The following CFAP97D2 variants were observed in gnomAD, a reference collection of about 807,000 sequenced individuals.
The protein encoded by CFAP97D2 is uncharacterized protein CFAP97D2.
chr13:114,221,045 G>A (rs1306938230), intron 4 of CFAP97D2, among the ~76,000 whole-genome samples: 1 of 152,182 alleles, frequency 6.6e-6, no homozygotes, highest in Non-Finnish European at 1.5e-5. Context: ...TCAGGAGATC[G>A]AGACCATCCT....
intron 1 of CFAP97D2, among the ~76,000 whole-genome samples, chr13:114,180,796 G>A (rs974107403): frequency 6.6e-6 from 1 of 152,178 alleles, no homozygotes; most frequent in African/African-American, 2.4e-5. Context: ...GTTTGCTTTT[G>A]TATCCCGGGG....
At position 114,179,613 on chromosome 13, in the gene CFAP97D2, GCTTT is replaced by G. The variant is rs754208065; in HGVS notation, c.90+206_90+209del. ...TAAAAATCTCATTAAATAGTTGACG[GCTTT>G]CTTTCTTTCTTTTTTTTTTTTGAGA... On this transcript the variant is annotated intron_variant, in intron 1 of 4. Coordinates refer to ENST00000646158, the Ensembl canonical transcript of CFAP97D2. The surrounding 1 kb of genome is among the most constrained non-coding windows in gnomAD (Gnocchi z 4.8). Among the ~76,000 whole-genome samples, 46 of 151,886 alleles carry G rather than the reference GCTTT, an allele frequency of 3.0e-4. No individual in the cohort carries two copies. Among genetic ancestry groups the G allele is most frequent in the Middle Eastern group, 3.4e-3 (1 of 294 alleles).
chr13:114,181,110 G>A (rs1283483342), intron 1 of CFAP97D2, among the ~76,000 whole-genome samples: 1 of 152,222 alleles, frequency 6.6e-6, no homozygotes, highest in African/African-American at 2.4e-5. Flanking sequence ...GGGAACCTAT[G>A]ATTCTGGCAC....
chr13:114,182,307 A>C (rs573235166), intron 1 of CFAP97D2, among the ~76,000 whole-genome samples: 79 of 152,280 alleles, frequency 5.2e-4, no homozygotes, highest in Non-Finnish European at 8.5e-4. Flanking sequence ...GCATTACTGC[A>C]AACATGTCTC....
At chr13:114,217,986 C>T (rs1425441314) in intron 4 of CFAP97D2, among the ~76,000 whole-genome samples, 2 of 152,194 alleles carry the variant, frequency 1.3e-5, no homozygotes, top group Admixed American at 6.5e-5. Flanking sequence ...TGCCCTCTCT[C>T]ACCACTCCTA....
chr13:114,201,472 C>G (rs923097586), intron 3 of CFAP97D2, among the ~76,000 whole-genome samples: 12 of 152,202 alleles, frequency 7.9e-5, no homozygotes, highest in Non-Finnish European at 1.5e-4. Flanking sequence ...CTGCTCCAAG[C>G]TCAGGCGGGC....
chr13:114,182,491 C>G (rs112048834), intron 1 of CFAP97D2, among the ~76,000 whole-genome samples: 1,799 of 148,820 alleles, frequency 0.012, 20 homozygotes, highest in Admixed American at 0.019. Context: ...GACCCTTTAC[C>G]GGTGTCGGGC....
rs748290016 is a variant in CFAP97D2 at position 114,187,414 on chromosome 13, GCT to G, written c.90+7995_90+7996del. On this transcript the variant is annotated intron_variant, in intron 1 of 4. Transcript: ENST00000646158. This position sits in a 1 kb window ranked among gnomAD's most constrained non-coding sequence, Gnocchi z 4.2. ...ACCATTTTAAGTATAAAGACATATAGCTTAAAAGTAAATGATTGAAAAAAATA... is the reference window on the plus strand; with the variant it reads ...ACCATTTTAAGTATAAAGACATATAGTAAAAGTAAATGATTGAAAAAAATA... 1.3e-5 allele frequency among the ~76,000 whole-genome samples: 2 copies of G among 151,006 alleles called. No homozygotes were observed. The highest frequency in any genetic ancestry group is 2.9e-5 in the Non-Finnish European group (2 of 67,816).
intron 4 of CFAP97D2, among the ~76,000 whole-genome samples, chr13:114,219,404 G>A (rs2081010194): frequency 6.6e-6 from 1 of 151,968 alleles, no homozygotes; most frequent in Non-Finnish European, 1.5e-5. Flanking sequence ...TTTTTCCTCA[G>A]CAAATGTCAA....
chr13:114,200,208 C>T (rs2080910927), intron 2 of CFAP97D2, 117 bp from the exon 3 acceptor site: 6 of 395,108 alleles, frequency 1.5e-5, no homozygotes, highest in Middle Eastern at 6.3e-4. Context: ...ATGGCGCACT[C>T]GCCGATATGA....
At position 114,203,054 on chromosome 13, in the gene CFAP97D2, A is replaced by G. The variant is rs2080925599; in HGVS notation, c.290+2611A>G. On this transcript the variant is annotated intron_variant, in intron 3 of 4. Transcript: ENST00000646158. This position sits in a 1 kb window ranked among gnomAD's most constrained non-coding sequence, Gnocchi z 4.3. Reference sequence around the variant, plus strand: ...TCCCAAAGGGATGGTTTAATTTGCAACAGAATTTAGAAAAGTGCAAGCCTC... The same window carrying G: ...TCCCAAAGGGATGGTTTAATTTGCAGCAGAATTTAGAAAAGTGCAAGCCTC... Among the ~76,000 whole-genome samples the G allele has an allele frequency of 6.6e-6, 1 of 152,204 alleles. No homozygotes were observed.
chr13:114,198,504 C>T (rs2080897467), intron 2 of CFAP97D2, among the ~76,000 whole-genome samples: 2 of 152,260 alleles, frequency 1.3e-5, no homozygotes, highest in Non-Finnish European at 2.9e-5. Context: ...TCATTAGCAC[C>T]ACCGCCACAT....
chr13:114,222,495 C>A lies in CFAP97D2; in HGVS notation c.481-3C>A, dbSNP rs964235400. On this transcript the variant is annotated splice_region_variant and splice_polypyrimidine_tract_variant and intron_variant, in intron 4 of 4. Coordinates refer to ENST00000646158, the Ensembl canonical transcript of CFAP97D2. The surrounding 1 kb of genome is among the most constrained non-coding windows in gnomAD (Gnocchi z 4.4). ...TAGTTTCAAATATGTATTTTAAATC[C>A]AGCAGGAAGTGAAACTGGATTAGCA... 2.5e-6 allele frequency: 1 copy of A among 398,404 alleles called. No individual in the cohort carries two copies. The highest frequency in any genetic ancestry group is 4.4e-6 in the Non-Finnish European group (1 of 226,064). 24.7% of individuals were successfully genotyped at this position (398,404 alleles called of 1,614,324 possible). A position where few individuals can be genotyped will look rare whatever the true frequency, so the allele number is the denominator to read the frequency against.
intron 1 of CFAP97D2, among the ~76,000 whole-genome samples, chr13:114,191,317 C>T (rs971069684): frequency 7.2e-5 from 11 of 152,114 alleles, no homozygotes; most frequent in African/African-American, 2.7e-4. Flanking sequence ...AAGACAATGT[C>T]TGGAGAATCA....
chr13:114,212,084 G>A (rs1489072895), exon 4 of CFAP97D2: 3 of 398,506 alleles, frequency 7.5e-6, no homozygotes, highest in Non-Finnish European at 1.3e-5. Flanking sequence ...GGAGACAGCA[G>A]ATACGCCTAG....
At chr13:114,210,445 C>T (rs1052190932) in intron 3 of CFAP97D2, among the ~76,000 whole-genome samples, 2 of 152,140 alleles carry the variant, frequency 1.3e-5, no homozygotes, top group South Asian at 2.1e-4. Context: ...TAGTTTGATC[C>T]GATCTAACCC....
rs934930398 is a variant in CFAP97D2 at position 114,207,037 on chromosome 13, G to C, written c.291-4875G>C. On this transcript the variant is annotated intron_variant, in intron 3 of 4. Transcript: ENST00000646158. The surrounding 1 kb of genome is among the most constrained non-coding windows in gnomAD (Gnocchi z 4.9). ...CCAGACCCAGTGCAATTCCTGAGGG[G>C]ATAAAAGAAAGAAGCTGTGGCCCTG... Among the ~76,000 whole-genome samples the C allele has an allele frequency of 6.6e-6, 1 of 152,162 alleles. No individual in the cohort carries two copies. Among genetic ancestry groups the C allele is most frequent in the African/African-American group, 2.4e-5 (1 of 41,438 alleles).
chr13:114,186,663 T>C lies in CFAP97D2; in HGVS notation c.90+7243T>C, dbSNP rs1296670183. ...GCAGTTCCTGGAGCCTCCAAGCTTC[T>C]GGGCACCACTGCATTCCCCAGTGCC... On this transcript the variant is annotated intron_variant, in intron 1 of 4. Transcript: ENST00000646158. This position sits in a 1 kb window ranked among gnomAD's most constrained non-coding sequence, Gnocchi z 4.3. 6.6e-6 allele frequency among the ~76,000 whole-genome samples: 1 copy of C among 152,254 alleles called. No homozygotes were observed. Among genetic ancestry groups the C allele is most frequent in the Admixed American group, 6.5e-5 (1 of 15,292 alleles).
Position 114,203,373 on chromosome 13 carries a change from A to G in CFAP97D2, c.290+2930A>G, listed in dbSNP as rs982653831. 2.6e-5 allele frequency among the ~76,000 whole-genome samples: 4 copies of G among 152,216 alleles called. No homozygotes were observed. The highest frequency in any genetic ancestry group is 9.6e-5 in the African/African-American group (4 of 41,464). On this transcript the variant is annotated intron_variant, in intron 3 of 4. Coordinates refer to ENST00000646158, the Ensembl canonical transcript of CFAP97D2. The surrounding 1 kb of genome is among the most constrained non-coding windows in gnomAD (Gnocchi z 4.3). ...TAAACAAAGGAAGTACAAAATTTAT[A>G]CTCCAAAAACTACAAACCGTCATCC...
Sources: allele counts gnomAD v4.1 joint callset (sites outside exome capture counted in the v4.1 genomes callset), GRCh38; gene constraint gnomAD v4.1.1; non-coding constraint Gnocchi (gnomAD v3.1); transcripts MANE v1.5; gene names NCBI Gene and HGNC (gene_info 2026-07-23, HGNC 2026-07-21).